SEPTIN10: variants seen among roughly 807,000 people sequenced by gnomAD.
The protein encoded by SEPTIN10 is septin 10.
A neutral mutation model predicts 54.8 loss-of-function variants in SEPTIN10; 66 were observed. The ratio of observed to expected loss-of-function variants is 1.21; its 90% CI spans 0.99 to 1.48. The LOEUF (loss-of-function observed/expected upper bound fraction) is 1.48, where lower values mean the gene tolerates loss of function less well. Ranked by LOEUF, SEPTIN10 falls within the 40% of genes most tolerant of loss-of-function variation. SEPTIN10 has a pLI of 0.00. For missense variants in SEPTIN10, 620 were observed against 545.6 expected, an observed-to-expected ratio of 1.14 and a Z score of -1.36; for synonymous variants, 161 against 181.0, an observed-to-expected ratio of 0.89 and a Z score of 0.89.
At chr2:109,585,698 G>C (rs1442906456) in intron 3 of SEPTIN10, 23 bp downstream of exon 3, 1 of 1,487,090 alleles carries the variant, frequency 6.7e-7, no homozygotes, top group East Asian at 2.3e-5. Flanking sequence ...GAACAACTTA[G>C]AGGAAGAGTA....
intron 7 of SEPTIN10, among the ~76,000 whole-genome samples, chr2:109,565,124 T>C (rs1213840391): frequency 6.6e-6 from 1 of 152,162 alleles, no homozygotes. Flanking sequence ...CCAATACTCT[T>C]AAGTATAATT....
At chr2:109,612,965 C>G (rs1030335270) in intron 1 of SEPTIN10, 9 of 432,826 alleles carry the variant, frequency 2.1e-5, no homozygotes, top group Non-Finnish European at 4.2e-5. Flanking sequence ...GAGTGGTTCT[C>G]AAACTTTTTG....
chr2:109,558,420 C>G (rs972003684), intron 8 of SEPTIN10, among the ~76,000 whole-genome samples: 1 of 152,302 alleles, frequency 6.6e-6, no homozygotes, highest in East Asian at 1.9e-4. Flanking sequence ...TCCCACAATA[C>G]TTCAATGACA....
At chr2:109,594,398 G>A (rs1694818117) in intron 1 of SEPTIN10, among the ~76,000 whole-genome samples, 1 of 152,130 alleles carries the variant, frequency 6.6e-6, no homozygotes, top group Non-Finnish European at 1.5e-5. Flanking sequence ...CTTCCAGAGA[G>A]AGGCTGTGCA....
chr2:109,608,107 T>C (rs1698418843), intron 1 of SEPTIN10, among the ~76,000 whole-genome samples: 2 of 152,242 alleles, frequency 1.3e-5, no homozygotes. Context: ...TAAAGGTCTT[T>C]TATAACAAAA....
intron 5 of SEPTIN10, among the ~76,000 whole-genome samples, chr2:109,573,508 G>C (rs1186295536): frequency 6.6e-6 from 1 of 152,126 alleles, no homozygotes; most frequent in Non-Finnish European, 1.5e-5. Flanking sequence ...ATCAATTTTT[G>C]CTAAAACCAG....
intron 4 of SEPTIN10, among the ~76,000 whole-genome samples, chr2:109,583,700 T>C (rs529497150): frequency 1.3e-5 from 2 of 152,288 alleles, no homozygotes; most frequent in African/African-American, 4.8e-5. Context: ...TGTTTCATCA[T>C]AGCTCTATTC....
At chr2:109,603,185 G>A (rs1558893715) in intron 1 of SEPTIN10, among the ~76,000 whole-genome samples, 1 of 151,962 alleles carries the variant, frequency 6.6e-6, no homozygotes, top group Non-Finnish European at 1.5e-5. Flanking sequence ...AATGCTTATT[G>A]TTTTTCACTT....
intron 1 of SEPTIN10, among the ~76,000 whole-genome samples, chr2:109,612,152 C>CA (rs1313155531): frequency 1.3e-5 from 2 of 151,600 alleles, no homozygotes; most frequent in Non-Finnish European, 2.9e-5. Flanking sequence ...ATATATGCAA[C>CA]AACCTGGATG....
intron 1 of SEPTIN10, among the ~76,000 whole-genome samples, chr2:109,612,834 CTT>C (rs1170453046): frequency 6.6e-6 from 1 of 152,126 alleles, no homozygotes; most frequent in Non-Finnish European, 1.5e-5. Context: ...GGAGAAAAAT[CTT>C]TGTCCAGGTT....
intron 8 of SEPTIN10, among the ~76,000 whole-genome samples, chr2:109,555,705 T>TA (rs2104875015): frequency 6.6e-6 from 1 of 152,324 alleles, no homozygotes; most frequent in African/African-American, 2.4e-5. Context: ...TGTGATCAAT[T>TA]ACGCAGCTGA....
chr2:109,547,945 G>A (rs1164721340), intron 9 of SEPTIN10, among the ~76,000 whole-genome samples: 1 of 152,176 alleles, frequency 6.6e-6, no homozygotes, highest in East Asian at 1.9e-4. Flanking sequence ...CACATGTGCT[G>A]GGGTAACTGT....
At chr2:109,556,167 G>A (rs1034519547) in intron 8 of SEPTIN10, among the ~76,000 whole-genome samples, 4 of 152,168 alleles carry the variant, frequency 2.6e-5, no homozygotes, top group African/African-American at 9.7e-5. Flanking sequence ...AACTCTACCA[G>A]TAGCTGCCCT....
At chr2:109,599,146 A>G (rs756408968) in intron 1 of SEPTIN10, among the ~76,000 whole-genome samples, 1 of 152,116 alleles carries the variant, frequency 6.6e-6, no homozygotes, top group Non-Finnish European at 1.5e-5. Flanking sequence ...GATGCTTATT[A>G]CAACCCAGAA....
At chr2:109,607,800 G>T (rs576523739) in intron 1 of SEPTIN10, among the ~76,000 whole-genome samples, 1 of 152,212 alleles carries the variant, frequency 6.6e-6, no homozygotes, top group East Asian at 1.9e-4. Flanking sequence ...CACCCCTAGG[G>T]AAACTCTGAC....
At chr2:109,598,222 C>G (rs1573801040) in intron 1 of SEPTIN10, among the ~76,000 whole-genome samples, 1 of 151,970 alleles carries the variant, frequency 6.6e-6, no homozygotes, top group Non-Finnish European at 1.5e-5. Flanking sequence ...CATGCACCAC[C>G]ACACCTGGCT....
rs1699042329 is a variant in SEPTIN10 at position 109,610,568 on chromosome 2, T to C, written c.30+3230A>G. 4.0e-5 allele frequency among the ~76,000 whole-genome samples: 6 copies of C among 151,782 alleles called. No homozygotes were observed. The South Asian group carries it at 1.3e-3, about 32-fold the overall frequency. On this transcript the variant is annotated intron_variant, in intron 1 of 10. Transcript: ENST00000397712. ...TGTGTCTACTAAAAATACAAAAAATTAGCCGGGCGTGGTGGCACATGCCTG... is the reference window on the plus strand; with the variant it reads ...TGTGTCTACTAAAAATACAAAAAATCAGCCGGGCGTGGTGGCACATGCCTG...
At chr2:109,610,386 C>T (rs1010323910) in intron 1 of SEPTIN10, among the ~76,000 whole-genome samples, 1 of 152,094 alleles carries the variant, frequency 6.6e-6, no homozygotes, top group African/African-American at 2.4e-5. Context: ...CTGCGCCCAG[C>T]CACTTCCCTG....
At chr2:109,545,880 A>C (rs985062841) in intron 10 of SEPTIN10, 170 bp downstream of exon 10, 96 of 1,441,266 alleles carry the variant, frequency 6.7e-5, no homozygotes, top group Non-Finnish European at 8.6e-5. Flanking sequence ...GATGCTGGGG[A>C]AACAGCAGTG....
Sources: allele counts gnomAD v4.1 joint callset (sites outside exome capture counted in the v4.1 genomes callset), GRCh38; gene constraint gnomAD v4.1.1; transcripts MANE v1.5; gene names NCBI Gene and HGNC (gene_info 2026-07-23, HGNC 2026-07-21).